Variants in NUP88 observed in about 807,000 individuals in gnomAD.
The protein encoded by NUP88 is nuclear pore complex protein Nup88.
NUP88 carries 57 observed loss-of-function variants against 93.9 expected under a neutral mutation model. The observed-to-expected ratio is 0.61, with a 90% CI of 0.49 to 0.76. The LOEUF is 0.76. NUP88 is among the 30% of genes least tolerant of loss of function. The probability of loss-of-function intolerance (pLI) is 0.00; values close to 1 mark genes in which losing one functional copy is unlikely to be tolerated. For missense variants in NUP88, 911 were observed against 901.0 expected, an observed-to-expected ratio of 1.01 and a Z score of -0.14; for synonymous variants, 346 against 336.8, an observed-to-expected ratio of 1.03 and a Z score of -0.30.
chr17:5,397,061 C>G (rs563098806), intron 8 of NUP88, among the ~76,000 whole-genome samples: 91 of 152,124 alleles, frequency 6.0e-4, no homozygotes, highest in African/African-American at 1.9e-3. Flanking sequence ...TTTTGATGGC[C>G]AGGTGCGGTG....
chr17:5,403,617 G>T (rs568575109), intron 7 of NUP88, among the ~76,000 whole-genome samples: 1 of 151,970 alleles, frequency 6.6e-6, no homozygotes, highest in African/African-American at 2.4e-5. Context: ...TCGAGATTGC[G>T]CCATTAGACT....
chr17:5,416,077 G>A (rs943797194), intron 2 of NUP88, among the ~76,000 whole-genome samples: 51 of 114,120 alleles, frequency 4.5e-4, no homozygotes, highest in Non-Finnish European at 6.5e-4. Flanking sequence ...TCCAGGAGGC[G>A]GAGCTTGCAG....
chr17:5,388,812 C>A lies in NUP88; in HGVS notation c.1633G>T (p.Ala545Ser). ...SILQRSVANPAFLKASEKDIA... is the reference protein window; with the variant it reads ...SILQRSVANPSFLKASEKDIA... ...CCCAAGGTTGCATACTTCAAAAATG[C>A]TGGATTGGCAACACTACGTTGCAAA... The change falls in exon 11 of 17, where the codon GCA (alanine) becomes TCA (serine). Residue 545 changes from alanine (A) to serine (S), a missense_variant. Transcript: ENST00000573584. 6.2e-7 allele frequency: 1 copy of A among 1,612,830 alleles called. No individual in the cohort carries two copies. Among genetic ancestry groups the A allele is most frequent in the Non-Finnish European group, 8.5e-7 (1 of 1,179,412 alleles).
At chr17:5,417,363 G>GGC (rs1296083665) in intron 1 of NUP88, among the ~76,000 whole-genome samples, 1 of 152,168 alleles carries the variant, frequency 6.6e-6, no homozygotes, top group Non-Finnish European at 1.5e-5. Flanking sequence ...GCTACTTCCA[G>GGC]GCGCTGAGGT....
Position 5,410,687 on chromosome 17 carries a change from T to C in NUP88, c.680+16A>G, listed in dbSNP as rs373154729. On this transcript the variant is annotated intron_variant, in intron 4 of 16. Coordinates refer to ENST00000573584, the MANE Select transcript of NUP88 (RefSeq NM_002532.6). ...GCTAATTAAAAAACCATTTCAAGACTCAAATAAAAACTTACCCTTTATTGA... is the reference window on the plus strand; with the variant it reads ...GCTAATTAAAAAACCATTTCAAGACCCAAATAAAAACTTACCCTTTATTGA... The C allele has an allele frequency of 1.3e-6, 2 of 1,489,098 alleles. No homozygotes were observed. 92.2% of individuals were successfully genotyped at this position (1,489,098 alleles called of 1,614,324 possible). A position where few individuals can be genotyped will look rare whatever the true frequency, so the allele number is the denominator to read the frequency against.
chr17:5,391,558 T>C lies in NUP88; in HGVS notation c.1484+3A>G. On this transcript the variant is annotated splice_donor_region_variant and intron_variant, in intron 10 of 16. Transcript: ENST00000573584. ...TGTGTGGAGAATATAAAATGGGACGTACAATAACGGCCATATGAGGCATTC... is the reference window on the plus strand; with the variant it reads ...TGTGTGGAGAATATAAAATGGGACGCACAATAACGGCCATATGAGGCATTC... 1.9e-6 allele frequency: 3 copies of C among 1,609,122 alleles called. No individual in the cohort carries two copies. The highest frequency in any genetic ancestry group is 2.6e-6 in the Non-Finnish European group (3 of 1,175,512).
At chr17:5,386,938 C>A in intron 15 of NUP88, 46 bp downstream of exon 15, 1 of 1,604,020 alleles carries the variant, frequency 6.2e-7, no homozygotes, top group African/African-American at 1.3e-5. Context: ...AGAATAAGTG[C>A]TTTAAGAAAA....
chr17:5,416,166 A>AATATATATATATAT (rs1914129874), intron 2 of NUP88, among the ~76,000 whole-genome samples: 1 of 57,988 alleles, frequency 1.7e-5, no homozygotes, highest in Non-Finnish European at 3.2e-5. Flanking sequence ...AAAAAAAAAA[A>AATATATATATATAT]GTATATATAT....
intron 4 of NUP88, among the ~76,000 whole-genome samples, chr17:5,410,501 C>T (rs892600430): frequency 2.6e-5 from 4 of 152,004 alleles, no homozygotes; most frequent in South Asian, 2.1e-4. Flanking sequence ...GAGGCTGAGA[C>T]GAGCAGGATC....
intron 10 of NUP88, 103 bp downstream of exon 10, chr17:5,391,458 A>C: frequency 1.2e-6 from 1 of 862,376 alleles, no homozygotes; most frequent in East Asian, 2.6e-5. Flanking sequence ...CCAAAGTATA[A>C]ACCACACATG....
intron 9 of NUP88, among the ~76,000 whole-genome samples, chr17:5,392,087 G>A (rs775014904): frequency 6.6e-6 from 1 of 152,244 alleles, no homozygotes; most frequent in African/African-American, 2.4e-5. Context: ...CACGCACAGC[G>A]TGTATCTCTC....
intron 7 of NUP88, 126 bp from the exon 8 acceptor site, chr17:5,399,776 C>G (rs1913029560): frequency 4.0e-6 from 2 of 502,892 alleles, no homozygotes; most frequent in African/African-American, 4.0e-5. Flanking sequence ...TTATAAAAGA[C>G]TTTCATATTG....
Position 5,404,134 on chromosome 17 carries a change from T to C in NUP88, c.1157A>G (p.Asp386Gly). ...KLASGEDDPFDSDFSCPVKLH... is the reference protein window; with the variant it reads ...KLASGEDDPFGSDFSCPVKLH... Reference sequence around the variant, plus strand: ...TTTGACTGGACAAGAAAAGTCAGAATCAAAAGGGTCATCCTCTCCAGATGC... The same window carrying C: ...TTTGACTGGACAAGAAAAGTCAGAACCAAAAGGGTCATCCTCTCCAGATGC... The change falls in exon 7 of 17, where the codon GAT becomes GGT. Residue 386 changes from aspartate (D) to glycine (G), a missense_variant. By Grantham distance (94) the Asp-to-Gly change is moderately conservative. Transcript: ENST00000573584. 1 of 1,614,046 alleles carries C rather than the reference T, an allele frequency of 6.2e-7. No individual in the cohort carries two copies. Among genetic ancestry groups the C allele is most frequent in the Non-Finnish European group, 8.5e-7 (1 of 1,179,972 alleles).
At position 5,408,897 on chromosome 17, in the gene NUP88, G is replaced by A. The variant is rs769089881; in HGVS notation, c.693C>T (p.Thr231=). 12 of 1,580,526 alleles carry A rather than the reference G, an allele frequency of 7.6e-6. No individual in the cohort carries two copies. Among genetic ancestry groups the A allele is most frequent in the South Asian group, 4.7e-5 (4 of 85,802 alleles). Residue 231 remains threonine (T), a synonymous_variant, in exon 5 of 17, where the codon ACC becomes ACT. Coordinates refer to ENST00000573584, the MANE Select transcript of NUP88 (RefSeq NM_002532.6). ...CAACTGCTGTCTCTCCTAGAGATGC[G>A]GTATACGCCCTTCTGGAAAGAGATG... The part of the protein sequence containing the change: ...SLVLNKGRAY[T]ASLGETAVAF...
intron 5 of NUP88, among the ~76,000 whole-genome samples, chr17:5,406,754 G>A (rs1273135159): frequency 7.0e-6 from 1 of 142,106 alleles, no homozygotes; most frequent in East Asian, 2.4e-4. Context: ...AACAATACGT[G>A]ATGAGCTTTA....
In NUP88 at chr17:5,399,630, A is replaced by C. The variant is rs752375932; in HGVS notation, c.1213T>G (p.Tyr405Asp). The part of the protein sequence containing the change: ...LHRDPKCPSR[Y>D]HCTHEAGVHS... Reference sequence around the variant, plus strand: ...ACACCAGCTTCATGAGTACAGTGATATCTTGAAGGACACTTGGGATCTGCA... The same window carrying C: ...ACACCAGCTTCATGAGTACAGTGATCTCTTGAAGGACACTTGGGATCTGCA... The change falls in exon 8 of 17, where the codon TAT becomes GAT. Residue 405 changes from tyrosine (Y) to aspartate (D), a missense_variant. By Grantham distance (160) the Tyr-to-Asp change is radical. Transcript: ENST00000573584. 1.3e-6 allele frequency: 2 copies of C among 1,598,446 alleles called. No individual in the cohort carries two copies. Among genetic ancestry groups the C allele is most frequent in the Admixed American group, 3.4e-5 (2 of 59,146 alleles).
chr17:5,407,037 G>A (rs1363681938), intron 5 of NUP88, among the ~76,000 whole-genome samples: 2 of 152,170 alleles, frequency 1.3e-5, no homozygotes, highest in East Asian at 3.9e-4. Context: ...GCAGCAAGAG[G>A]AGAAAGGGTA....
At chr17:5,389,266 C>T (rs543295383) in intron 10 of NUP88, among the ~76,000 whole-genome samples, 155 of 152,216 alleles carry the variant, frequency 1.0e-3, no homozygotes, top group Middle Eastern at 6.8e-3. Flanking sequence ...GTTTATAAGC[C>T]GGAGCCACAA....
chr17:5,419,245 TC>T (rs1914426768), intron 1 of NUP88, 108 bp downstream of exon 1: 1 of 1,283,858 alleles, frequency 7.8e-7, no homozygotes, highest in African/African-American at 1.5e-5. Flanking sequence ...TCGGAGTCAA[TC>T]CGCTGGAACG....
Sources: gnomAD v4.1 joint callset for allele counts (sites outside exome capture counted in the v4.1 genomes callset) on GRCh38, gnomAD v4.1.1 for gene constraint, MANE v1.5 for transcripts, NCBI Gene and HGNC (gene_info 2026-07-23, HGNC 2026-07-21) for gene names.